NPM1: variants seen among roughly 807,000 people sequenced by gnomAD.
NPM1 encodes the protein nucleophosmin.
NPM1 carries 1 observed loss-of-function variant against 44.1 expected under a neutral mutation model. The observed-to-expected ratio is 0.02, with a 90% confidence interval of 0.01 to 0.11. The LOEUF (loss-of-function observed/expected upper bound fraction) is 0.11, where lower values mean the gene tolerates loss of function less well. NPM1 is among the 10% of genes least tolerant of loss of function. The probability of loss-of-function intolerance (pLI) is 1.00; values close to 1 mark genes in which losing one functional copy is unlikely to be tolerated. For missense variants in NPM1, 197 were observed against 347.8 expected (o/e 0.57, Z 3.45); for synonymous variants, 126 against 111.8 (o/e 1.13, Z -0.80).
chr5:171,389,050 C>T (rs1770432669), intron 1 of NPM1, among the ~76,000 whole-genome samples: 1 of 152,198 alleles, frequency 6.6e-6, no homozygotes, highest in Non-Finnish European at 1.5e-5. Flanking sequence ...CGGTTTGAGT[C>T]AGATCAAGAC....
chr5:171,410,447 T>TA (rs1771766430), intron 10 of NPM1, 80 bp from the exon 11 acceptor site: 2 of 835,964 alleles, frequency 2.4e-6, no homozygotes, highest in Admixed American at 5.1e-5. Flanking sequence ...GATGTTGAAC[T>TA]ATGCAAAGAG....
At chr5:171,407,388 G>C (rs1472710117) in intron 9 of NPM1, 1 of 325,422 alleles carries the variant, frequency 3.1e-6, no homozygotes, top group Non-Finnish European at 5.6e-6. Flanking sequence ...CGACTTGTTA[G>C]ATAATTTAGA....
intron 1 of NPM1, among the ~76,000 whole-genome samples, chr5:171,388,928 CTGCT>C (rs978848111): frequency 2.0e-5 from 3 of 152,328 alleles, no homozygotes; most frequent in Admixed American, 2.0e-4. Flanking sequence ...TCCGTAGCTG[CTGCT>C]TCGTGAATAT....
chr5:171,396,967 C>CA (rs889849752), intron 6 of NPM1, among the ~76,000 whole-genome samples: 13 of 150,206 alleles, frequency 8.7e-5, no homozygotes, highest in South Asian at 2.1e-4. Context: ...GAGTAAAACT[C>CA]AAAAAAAAAT....
At chr5:171,400,682 G>C in intron 7 of NPM1, 157 bp from the exon 8 acceptor site, 1 of 544,080 alleles carries the variant, frequency 1.8e-6, no homozygotes, top group Non-Finnish European at 3.3e-6. Flanking sequence ...TCCTGACCTC[G>C]TGATCCACCT....
chr5:171,393,002 A>G (rs897785487), intron 6 of NPM1, 24 bp downstream of exon 6: 3 of 1,602,900 alleles, frequency 1.9e-6, no homozygotes, highest in East Asian at 2.2e-5. Flanking sequence ...TAGAAACTTG[A>G]TATACTTCCG....
In NPM1 at chr5:171,400,308, G is replaced by T; in HGVS notation, c.582+98G>T. On this transcript the variant is annotated intron_variant, in intron 7 of 10. Transcript: ENST00000296930. ...TTTTGTAGTTAAGGGAAGCTGGTGT[G>T]GGAGATCATCTCATACTGAAAATTA... 2 of 1,382,794 alleles carry T rather than the reference G, an allele frequency of 1.4e-6. 1 individual carries two copies. Among genetic ancestry groups the T allele is most frequent in the Non-Finnish European group, 1.9e-6 (2 of 1,030,902 alleles). 85.7% of individuals were successfully genotyped at this position (1,382,794 alleles called of 1,614,324 possible).
At chr5:171,410,398 TTATC>T (rs760393915) in intron 10 of NPM1, 125 bp from the exon 11 acceptor site, 38 of 521,560 alleles carry the variant, frequency 7.3e-5, no homozygotes, top group Middle Eastern at 3.2e-4. Flanking sequence ...AGTCATATCT[TTATC>T]TAGAGTTAAC....
chr5:171,400,588 C>T (rs1400009463), intron 7 of NPM1, among the ~76,000 whole-genome samples: 1 of 151,696 alleles, frequency 6.6e-6, no homozygotes, highest in Non-Finnish European at 1.5e-5. Context: ...TCCTGAGTAG[C>T]TGGAATTACA....
chr5:171,403,585 G>A (rs1771354760), intron 8 of NPM1, among the ~76,000 whole-genome samples: 1 of 114,482 alleles, frequency 8.7e-6, no homozygotes, highest in Non-Finnish European at 1.9e-5. Flanking sequence ...AGGGGCGGCT[G>A]GGCAGAGGCG....
Position 171,400,938 on chromosome 5 carries a change from A to ATT in NPM1, c.669+15_669+16dup. On this transcript the variant is annotated intron_variant, in intron 8 of 10. Coordinates refer to ENST00000296930, the MANE Select transcript of NPM1 (RefSeq NM_002520.7). The stretch of plus-strand genomic sequence containing the variant: ...ACCAAGATCAAAAGTAAGTGGCTAC[A>ATT]TTTACACGTGGGTCTCATTGATCTA... 6.5e-7 allele frequency: 1 copy of ATT among 1,543,320 alleles called. No individual in the cohort carries two copies. Among genetic ancestry groups the ATT allele is most frequent in the Non-Finnish European group, 9.0e-7 (1 of 1,115,818 alleles).
chr5:171,403,914 T>G (rs1204781994), intron 8 of NPM1, among the ~76,000 whole-genome samples: 10 of 39,464 alleles, frequency 2.5e-4, no homozygotes, highest in Non-Finnish European at 3.6e-4. Flanking sequence ...GCGGGGGGCT[T>G]ACCCCCCCAC....
chr5:171,406,509 G>A (rs1477279400), intron 9 of NPM1: 9 of 1,584,228 alleles, frequency 5.7e-6, no homozygotes, highest in Non-Finnish European at 7.7e-6. Flanking sequence ...CCAGACTGAA[G>A]TCTTCTATTT....
At chr5:171,406,731 A>G (rs1771592300) in intron 9 of NPM1, 2 of 1,142,662 alleles carry the variant, frequency 1.8e-6, no homozygotes, top group African/African-American at 1.6e-5. Context: ...GCATCAATTA[A>G]GAATGTATGT....
intron 10 of NPM1, among the ~76,000 whole-genome samples, chr5:171,409,892 T>C (rs909897074): frequency 1.3e-5 from 2 of 151,930 alleles, no homozygotes; most frequent in East Asian, 1.9e-4. Context: ...CCTCTTGGGC[T>C]CAGGCAGTCC....
At chr5:171,408,192 A>G (rs572429470) in intron 10 of NPM1, among the ~76,000 whole-genome samples, 3 of 151,788 alleles carry the variant, frequency 2.0e-5, no homozygotes, top group Non-Finnish European at 2.9e-5. Flanking sequence ...CATTATGCCA[A>G]AATCATCCTA....
chr5:171,407,488 C>T, intron 9 of NPM1: 2 of 546,462 alleles, frequency 3.7e-6, no homozygotes, highest in East Asian at 3.2e-5. Context: ...AAGATTTGAC[C>T]CTTTGGCAAA....
rs377340416 is a variant in NPM1, at chr5:171,387,855, C to T, written c.-94C>T. 6.4e-5 allele frequency: 76 copies of T among 1,190,830 alleles called. No individual in the cohort carries two copies. Among genetic ancestry groups the T allele is most frequent in the East Asian group, 1.6e-4 (7 of 42,532 alleles). 73.8% of individuals were successfully genotyped at this position (1,190,830 alleles called of 1,614,324 possible). A position where few individuals can be genotyped will look rare whatever the true frequency, so the allele number is the denominator to read the frequency against. On this transcript the variant is annotated 5_prime_UTR_variant, in exon 1 of 11. Coordinates refer to ENST00000296930, the MANE Select transcript of NPM1 (RefSeq NM_002520.7). ...AGCGCGGGGAGCCTGCGTCCTTTCC[C>T]TGGTGTGATTCCGTCCTGCGCGGTT...
chr5:171,405,534 A>T (rs1332648116), intron 9 of NPM1, 131 bp downstream of exon 9: 2 of 638,410 alleles, frequency 3.1e-6, no homozygotes, highest in African/African-American at 1.9e-5. Context: ...CGTGGTATGA[A>T]TTTTTTCAAA....
Sources: allele counts gnomAD v4.1 joint callset (sites outside exome capture counted in the v4.1 genomes callset), GRCh38; gene constraint gnomAD v4.1.1; transcripts MANE v1.5; gene names NCBI Gene and HGNC (gene_info 2026-07-23, HGNC 2026-07-21).